Variants in MS4A18 observed in about 807,000 individuals in gnomAD.
MS4A18 encodes membrane spanning 4-domains A18.
MS4A18 carries 27 observed loss-of-function variants against 13.1 expected under a neutral mutation model. That is an observed-to-expected ratio of 2.06 (90% CI 1.52 to 2.84). The LOEUF is 2.84. MS4A18 is among the 30% of genes most tolerant of loss of function. The pLI, the probability that MS4A18 is intolerant of heterozygous loss-of-function variation, is 0.00. For synonymous variants in MS4A18, 126 were observed against 76.5 expected (o/e 1.65, Z -3.38); for missense variants, 307 against 196.4 (o/e 1.56, Z -3.37).
intron 2 of MS4A18, among the ~76,000 whole-genome samples, chr11:60,734,812 C>T (rs369547271): frequency 3.4e-5 from 5 of 147,438 alleles, no homozygotes; most frequent in Non-Finnish European, 6.0e-5. Flanking sequence ...GGTGGAGTCT[C>T]GCTCTGTTGC....
intron 2 of MS4A18, among the ~76,000 whole-genome samples, chr11:60,735,559 G>T: frequency 7.1e-6 from 1 of 139,864 alleles, no homozygotes. Context: ...CCGTGGTCTC[G>T]ATCTCCTGAC....
At chr11:60,740,118 G>A (rs958562960) in intron 4 of MS4A18, among the ~76,000 whole-genome samples, 1 of 152,218 alleles carries the variant, frequency 6.6e-6, no homozygotes, top group African/African-American at 2.4e-5. Flanking sequence ...TTGTGTTCAT[G>A]TGGAACCAAG....
At chr11:60,736,678 A>G (rs1853344542) in intron 2 of MS4A18, among the ~76,000 whole-genome samples, 4 of 152,210 alleles carry the variant, frequency 2.6e-5, no homozygotes, top group Admixed American at 2.6e-4. Flanking sequence ...CTCAAGGAGA[A>G]TCAGTCAAAA....
upstream of MS4A18, among the ~76,000 whole-genome samples, chr11:60,726,662 A>G (rs1255057957): frequency 6.6e-6 from 1 of 152,118 alleles, no homozygotes; most frequent in East Asian, 1.9e-4. Flanking sequence ...TTTGGGGTCA[A>G]TTAGGAAAAA....
exon 1 of MS4A18, chr11:60,729,438 C>T (rs758457740): frequency 2.3e-5 from 16 of 702,694 alleles, no homozygotes; most frequent in South Asian, 7.4e-5. Context: ...CAGAGGTGAC[C>T]ACTTACCCAA....
chr11:60,741,262 T>G (rs1469129381), intron 5 of MS4A18, 119 bp downstream of exon 6: 4 of 679,992 alleles, frequency 5.9e-6, no homozygotes, highest in Non-Finnish European at 5.4e-6. Context: ...ATCAGTTAAG[T>G]TTTGCTGCAT....
chr11:60,735,942 G>A (rs75292321), intron 2 of MS4A18, among the ~76,000 whole-genome samples: 19,495 of 152,090 alleles, frequency 0.13, 1,335 homozygotes, highest in East Asian at 0.25. Flanking sequence ...GATTACAGGC[G>A]TGAGCTAGCA....
chr11:60,730,661 G>A (rs1036701963), intron 1 of MS4A18, among the ~76,000 whole-genome samples: 3 of 152,220 alleles, frequency 2.0e-5, no homozygotes, highest in Admixed American at 1.3e-4. Flanking sequence ...ACAAGGACAG[G>A]TGCAGGAAGG....
intron 1 of MS4A18, among the ~76,000 whole-genome samples, chr11:60,733,078 C>T (rs533443424): frequency 5.3e-5 from 8 of 152,208 alleles, no homozygotes; most frequent in Non-Finnish European, 1.0e-4. Flanking sequence ...AGGAATGCTA[C>T]GTTTTCTAGG....
chr11:60,743,686 C>A, exon 6 of MS4A18: 1 of 703,000 alleles, frequency 1.4e-6, no homozygotes, highest in Non-Finnish European at 2.6e-6. Context: ...CAGTTTCAAC[C>A]CAGCCAATAC....
intron 2 of MS4A18, 105 bp from the exon 4 acceptor site, chr11:60,736,873 T>G (rs1472076447): frequency 4.6e-6 from 3 of 654,516 alleles, no homozygotes; most frequent in African/African-American, 1.8e-5. Flanking sequence ...TGAAACAAGG[T>G]GCATAGAACA....
intron 2 of MS4A18, 134 bp downstream of exon 3, chr11:60,733,781 A>G (rs933663096): frequency 1.5e-6 from 1 of 662,918 alleles, no homozygotes; most frequent in African/African-American, 1.8e-5. Flanking sequence ...CAACTTGCAG[A>G]TACAGCAAAG....
chr11:60,732,359 G>C (rs1217431574), intron 1 of MS4A18, among the ~76,000 whole-genome samples: 1 of 151,972 alleles, frequency 6.6e-6, no homozygotes, highest in African/African-American at 2.4e-5. Context: ...GGAACTGTGG[G>C]GACGTCATAG....
chr11:60,728,958 G>T (rs564675693), upstream of MS4A18, among the ~76,000 whole-genome samples: 1 of 152,298 alleles, frequency 6.6e-6, no homozygotes, highest in East Asian at 1.9e-4. Context: ...AATCAGCTTT[G>T]CCAGGGCAGG....
chr11:60,741,333 C>A (rs1300839357), intron 5 of MS4A18, among the ~76,000 whole-genome samples, 190 bp downstream of exon 6: 3 of 152,194 alleles, frequency 2.0e-5, no homozygotes, highest in African/African-American at 7.2e-5. Context: ...TGTGCATCAT[C>A]AGCTTGGGCT....
chr11:60,726,236 G>T (rs1459968236), upstream of MS4A18, among the ~76,000 whole-genome samples: 1 of 152,178 alleles, frequency 6.6e-6, no homozygotes, highest in African/African-American at 2.4e-5. Context: ...AGACAGGGGT[G>T]AATGCCTTAG....
Position 60,733,656 on chromosome 11 carries a change from A to C in MS4A18, c.591+9A>C, listed in dbSNP as rs1248392032. 1 of 703,536 alleles carries C rather than the reference A, an allele frequency of 1.4e-6. No homozygotes were observed. Among genetic ancestry groups the C allele is most frequent in the Non-Finnish European group, 2.6e-6 (1 of 385,104 alleles). The allele number at this position is 703,536 out of a possible 1,614,324, so 43.6% of individuals were successfully genotyped here. On this transcript the variant is annotated intron_variant, in intron 2 of 5. Transcript: ENST00000529108. ...TCTGGGGAGGATTATCCGTGAGTAC[A>C]AGGCCATATGGTCTCCTTCCTGGGT...
chr11:60,725,306 G>A (rs1217497431), upstream of MS4A18, among the ~76,000 whole-genome samples: 1 of 152,188 alleles, frequency 6.6e-6, no homozygotes, highest in East Asian at 1.9e-4. Context: ...CCATTCTCCT[G>A]CCTCAGCTTC....
chr11:60,732,096 C>T (rs1185606576), intron 1 of MS4A18, among the ~76,000 whole-genome samples: 1 of 152,026 alleles, frequency 6.6e-6, no homozygotes, highest in Non-Finnish European at 1.5e-5. Flanking sequence ...TCATTTGATC[C>T]CTGAGGAAAC....
Sources: allele counts gnomAD v4.1 joint callset (sites outside exome capture counted in the v4.1 genomes callset), GRCh38; gene constraint gnomAD v4.1.1; transcripts MANE v1.5; gene names NCBI Gene and HGNC (gene_info 2026-07-23, HGNC 2026-07-21).